Variants in GALNTL6 observed in about 807,000 individuals in gnomAD.
GALNTL6 encodes the protein polypeptide N-acetylgalactosaminyltransferase like 6.
A neutral mutation model predicts 73.7 loss-of-function variants in GALNTL6; 46 were observed. That is an observed-to-expected ratio of 0.62 (90% CI 0.49 to 0.80). GALNTL6 has a LOEUF of 0.80. Among genes scored for constraint, GALNTL6 ranks in the 30% least tolerant of loss-of-function variants. The pLI is 0.00. For missense variants in GALNTL6, 604 were observed against 755.0 expected, an observed-to-expected ratio of 0.80 and a Z score of 2.34; for synonymous variants, 259 against 263.7, an observed-to-expected ratio of 0.98 and a Z score of 0.17.
rs1735911562 is a variant in GALNTL6, at chr4:172,550,368, T to C, written c.553+201679T>C. On this transcript the variant is annotated intron_variant, in intron 5 of 12. Transcript: ENST00000506823. ...AGTCAGTCTGATAGGGAAAATATAG[T>C]GCATCATTGTTATTTAAAGTTATAG... 2.0e-5 allele frequency among the ~76,000 whole-genome samples: 3 copies of C among 152,292 alleles called. No individual in the cohort carries two copies. In the South Asian group the frequency reaches 6.2e-4, roughly 32 times the overall value.
chr4:172,753,587 C>T (rs1177918143), intron 5 of GALNTL6, among the ~76,000 whole-genome samples: 5 of 151,916 alleles, frequency 3.3e-5, no homozygotes, highest in Middle Eastern at 3.2e-3. Flanking sequence ...TAAAACCATT[C>T]GTTTCTAAAG....
intron 5 of GALNTL6, among the ~76,000 whole-genome samples, chr4:172,675,476 T>A (rs1390673643): frequency 6.6e-6 from 1 of 152,180 alleles, no homozygotes; most frequent in African/African-American, 2.4e-5. Flanking sequence ...TTGGGGAATG[T>A]GTGCATGGTG....
chr4:173,006,175 C>T (rs1340417747), intron 10 of GALNTL6, among the ~76,000 whole-genome samples: 1 of 152,140 alleles, frequency 6.6e-6, no homozygotes, highest in Non-Finnish European at 1.5e-5. Context: ...ACCCACTGGC[C>T]ATGAACCTGC....
intron 2 of GALNTL6, among the ~76,000 whole-genome samples, chr4:172,192,515 G>A (rs2110881526): frequency 6.6e-6 from 1 of 152,140 alleles, no homozygotes; most frequent in East Asian, 1.9e-4. Context: ...GGCAGTCGGA[G>A]TGACCCACAG....
intron 5 of GALNTL6, among the ~76,000 whole-genome samples, chr4:172,520,640 G>A (rs1242406710): frequency 6.6e-6 from 1 of 151,350 alleles, no homozygotes; most frequent in Non-Finnish European, 1.5e-5. Context: ...GAATGTTGAT[G>A]AATAATCAGA....
chr4:171,861,220 C>T (rs1735822972), intron 2 of GALNTL6, among the ~76,000 whole-genome samples: 1 of 152,144 alleles, frequency 6.6e-6, no homozygotes, highest in African/African-American at 2.4e-5. Flanking sequence ...AGTTTACCTC[C>T]TGAGTGTTCC....
At chr4:172,037,598 G>T (rs997474064) in intron 2 of GALNTL6, among the ~76,000 whole-genome samples, 2 of 152,222 alleles carry the variant, frequency 1.3e-5, no homozygotes, top group African/African-American at 2.4e-5. Flanking sequence ...CCTGAATGCT[G>T]CCTCATTCCA....
intron 5 of GALNTL6, among the ~76,000 whole-genome samples, chr4:172,790,736 C>CA (rs1042728661): frequency 2.6e-5 from 4 of 151,176 alleles, no homozygotes; most frequent in African/African-American, 7.3e-5. Context: ...ACTAAAAATA[C>CA]AAAAAAAATT....
intron 5 of GALNTL6, among the ~76,000 whole-genome samples, chr4:172,375,390 T>G (rs1742988659): frequency 6.6e-6 from 1 of 152,134 alleles, no homozygotes; most frequent in South Asian, 2.1e-4. Context: ...TTCTCAGGGT[T>G]TGTGGGTCAA....
chr4:172,490,529 A>T (rs947245438), intron 5 of GALNTL6, among the ~76,000 whole-genome samples: 2 of 152,176 alleles, frequency 1.3e-5, no homozygotes, highest in African/African-American at 4.8e-5. Context: ...AAGCTTAATG[A>T]ATACACAGTT....
intron 10 of GALNTL6, among the ~76,000 whole-genome samples, chr4:173,001,428 T>A (rs911063169): frequency 6.6e-6 from 1 of 151,780 alleles, no homozygotes; most frequent in Admixed American, 6.6e-5. Context: ...GAATAAAACA[T>A]AGGGGAAAAT....
intron 8 of GALNTL6, among the ~76,000 whole-genome samples, 200 bp from the exon 9 acceptor site, chr4:172,930,961 A>C (rs1400821406): frequency 6.6e-6 from 1 of 152,160 alleles, no homozygotes; most frequent in African/African-American, 2.4e-5. Context: ...CACTGCACTC[A>C]GCTGTATTTT....
intron 2 of GALNTL6, among the ~76,000 whole-genome samples, chr4:171,971,197 A>T (rs1253584780): frequency 6.6e-6 from 1 of 152,202 alleles, no homozygotes; most frequent in African/African-American, 2.4e-5. Flanking sequence ...AAAAATGAAA[A>T]TGCCATAATT....
chr4:172,445,731 AT>A (rs1314362798), intron 5 of GALNTL6, among the ~76,000 whole-genome samples: 67 of 152,272 alleles, frequency 4.4e-4, no homozygotes, highest in African/African-American at 1.6e-3. Context: ...TCAGTTTCTT[AT>A]TCTTTCCCTA....
chr4:172,762,956 A>G (rs1738203518), intron 5 of GALNTL6, among the ~76,000 whole-genome samples: 1 of 152,148 alleles, frequency 6.6e-6, no homozygotes, highest in Non-Finnish European at 1.5e-5. Context: ...CTTAAATAAA[A>G]AACTCTCAAG....
rs546246059 is a variant in GALNTL6 at position 171,846,602 on chromosome 4, T to A, written c.138+31884T>A. On this transcript the variant is annotated intron_variant, in intron 2 of 12. Transcript: ENST00000506823. ...ATTTACTCTTGTGACATAAAGAAAA[T>A]AAAATCTACCAATACTAGATGTATT... Among the ~76,000 whole-genome samples, 7 of 152,036 alleles carry A rather than the reference T, an allele frequency of 4.6e-5. No homozygotes were observed. In the South Asian group the frequency reaches 1.5e-3, roughly 32 times the overall value.
intron 5 of GALNTL6, among the ~76,000 whole-genome samples, chr4:172,577,770 T>C (rs1048549477): frequency 6.6e-6 from 1 of 152,174 alleles, no homozygotes; most frequent in Non-Finnish European, 1.5e-5. Context: ...TCAGCAACTT[T>C]GTTGTCATTC....
At chr4:172,394,155 A>G (rs1021205720) in intron 5 of GALNTL6, among the ~76,000 whole-genome samples, 4 of 152,138 alleles carry the variant, frequency 2.6e-5, no homozygotes, top group African/African-American at 7.2e-5. Flanking sequence ...ATTACTAATT[A>G]TAATTACTTT....
At chr4:172,881,823 TGAAACA>T (rs1745466846) in intron 7 of GALNTL6, among the ~76,000 whole-genome samples, 1 of 152,184 alleles carries the variant, frequency 6.6e-6, no homozygotes, top group African/African-American at 2.4e-5. Flanking sequence ...CTCTGAACAT[TGAAACA>T]GAAACAGTGT....
Sources: allele counts gnomAD v4.1 joint callset (sites outside exome capture counted in the v4.1 genomes callset), GRCh38; gene constraint gnomAD v4.1.1; transcripts MANE v1.5; gene names NCBI Gene and HGNC (gene_info 2026-07-23, HGNC 2026-07-21).